Variants in AP3B1 observed in about 807,000 individuals in gnomAD.
AP3B1 encodes the protein adaptor related protein complex 3 subunit beta 1.
A neutral mutation model predicts 132.5 loss-of-function variants in AP3B1; 61 were observed. The observed-to-expected ratio is 0.46, with a 90% CI of 0.37 to 0.57. AP3B1 has a LOEUF of 0.57. AP3B1 is among the 20% of genes least tolerant of loss of function. AP3B1 has a pLI of 0.00. For synonymous variants in AP3B1, 388 were observed against 438.3 expected, an observed-to-expected ratio of 0.89 and a Z score of 1.43; for missense variants, 1,120 against 1,289.4, an observed-to-expected ratio of 0.87 and a Z score of 2.01.
chr5:78,262,068 C>G (rs1748118893), intron 2 of AP3B1, among the ~76,000 whole-genome samples: 1 of 152,158 alleles, frequency 6.6e-6, no homozygotes, highest in South Asian at 2.1e-4. Flanking sequence ...CACACCCAGC[C>G]ATTTGGTAGG....
intron 23 of AP3B1, 76 bp downstream of exon 23, chr5:78,038,966 TA>T (rs1277921158): frequency 1.3e-5 from 11 of 865,588 alleles, no homozygotes; most frequent in Non-Finnish European, 1.8e-5. Context: ...TACTAAAAAG[TA>T]TTCTACTTTA....
At chr5:78,058,478 C>T (rs561315067) in intron 22 of AP3B1, among the ~76,000 whole-genome samples, 7 of 151,270 alleles carry the variant, frequency 4.6e-5, no homozygotes, top group East Asian at 3.9e-4. Context: ...GCAGCCTGGA[C>T]GACAGAGTGA....
chr5:78,260,545 G>A (rs1278315476), intron 2 of AP3B1, among the ~76,000 whole-genome samples: 2 of 151,814 alleles, frequency 1.3e-5, no homozygotes, highest in Non-Finnish European at 2.9e-5. Flanking sequence ...AGTGAGCTGA[G>A]ATCACACCAC....
chr5:78,050,907 C>T (rs546246878), intron 22 of AP3B1, among the ~76,000 whole-genome samples: 41 of 152,104 alleles, frequency 2.7e-4, no homozygotes, highest in Middle Eastern at 3.4e-3. Context: ...AACAAGCCTC[C>T]CCCAAGAGTT....
At chr5:78,088,988 T>C (rs1199143683) in intron 22 of AP3B1, 1 of 159,554 alleles carries the variant, frequency 6.3e-6, no homozygotes, top group Non-Finnish European at 1.4e-5. Flanking sequence ...AACTTTTAAA[T>C]AAAAACAGTC....
chr5:78,197,751 T>G (rs1388135081), intron 7 of AP3B1, among the ~76,000 whole-genome samples: 2 of 152,198 alleles, frequency 1.3e-5, no homozygotes, highest in Admixed American at 1.3e-4. Flanking sequence ...TAAAACTGCC[T>G]ACAGCAAAAT....
intron 7 of AP3B1, among the ~76,000 whole-genome samples, chr5:78,205,431 A>G (rs1317662964): frequency 6.6e-6 from 1 of 151,794 alleles, no homozygotes; most frequent in Non-Finnish European, 1.5e-5. Flanking sequence ...ATATATATAT[A>G]CATATATATA....
At position 78,181,696 on chromosome 5, in the gene AP3B1, T is replaced by G. The variant is rs776493674; in HGVS notation, c.787-34A>C. The G allele has an allele frequency of 3.8e-6, 6 of 1,599,288 alleles. No homozygotes were observed. The Middle Eastern group carries it at 6.7e-4, about 178-fold the overall frequency. ...AAAGAAATCCAACCCAAGATTACTT[T>G]AGACCTTGAGCAATCTGCATATTAT... On this transcript the variant is annotated intron_variant, in intron 7 of 26. Transcript: ENST00000255194.
chr5:78,038,982 T>TA, intron 23 of AP3B1, 61 bp downstream of exon 23: 1 of 1,045,528 alleles, frequency 9.6e-7, no homozygotes, highest in Non-Finnish European at 1.4e-6. Flanking sequence ...ACTTTACTTT[T>TA]AAAATGAACA....
At chr5:78,234,176 T>C (rs1352215850) in intron 3 of AP3B1, among the ~76,000 whole-genome samples, 1 of 152,132 alleles carries the variant, frequency 6.6e-6, no homozygotes, top group Admixed American at 6.5e-5. Flanking sequence ...TTTCCATCTA[T>C]ATTCACGATT....
chr5:78,220,415 C>T (rs998330051), intron 6 of AP3B1, among the ~76,000 whole-genome samples: 1 of 151,136 alleles, frequency 6.6e-6, no homozygotes, highest in Non-Finnish European at 1.5e-5. Flanking sequence ...AAATATAAAC[C>T]CTAAATTCCA....
intron 7 of AP3B1, among the ~76,000 whole-genome samples, chr5:78,195,694 C>T (rs1720702307): frequency 6.6e-6 from 1 of 152,050 alleles, no homozygotes; most frequent in South Asian, 2.1e-4. Flanking sequence ...GTGATGCACA[C>T]CTGTTATCCC....
At chr5:78,249,123 G>C (rs1747513654) in intron 2 of AP3B1, among the ~76,000 whole-genome samples, 1 of 152,110 alleles carries the variant, frequency 6.6e-6, no homozygotes, top group African/African-American at 2.4e-5. Context: ...GGGAGGCTGA[G>C]GAGGGCGGAT....
intron 22 of AP3B1, among the ~76,000 whole-genome samples, chr5:78,046,974 A>T (rs980719204): frequency 6.6e-6 from 1 of 151,796 alleles, no homozygotes; most frequent in Non-Finnish European, 1.5e-5. Context: ...TATTCCTGTT[A>T]GTTTACTGAG....
intron 22 of AP3B1, among the ~76,000 whole-genome samples, chr5:78,044,767 A>C (rs906845747): frequency 1.3e-5 from 2 of 152,232 alleles, no homozygotes; most frequent in African/African-American, 4.8e-5. Context: ...CCTAGGATGC[A>C]TGGTCCAAAC....
At chr5:78,162,059 A>C (rs1299044742) in intron 13 of AP3B1, among the ~76,000 whole-genome samples, 3 of 152,134 alleles carry the variant, frequency 2.0e-5, no homozygotes, top group Non-Finnish European at 4.4e-5. Context: ...TTTACAAAGA[A>C]AATTATGCTT....
chr5:78,283,421 C>T (rs1749142080), intron 1 of AP3B1, among the ~76,000 whole-genome samples: 1 of 152,180 alleles, frequency 6.6e-6, no homozygotes, highest in African/African-American at 2.4e-5. Flanking sequence ...GTACAATCAA[C>T]TTTCATGGTT....
Position 78,156,326 on chromosome 5 carries a change from G to C in AP3B1, c.1405C>G (p.Leu469Val). The change falls in exon 14 of 27, where the codon CTG (leucine) becomes GTG (valine). Residue 469 changes from leucine (L) to valine (V), a missense_variant. Coordinates refer to ENST00000255194, the MANE Select transcript of AP3B1 (RefSeq NM_003664.5). Reference sequence around the variant, plus strand: ...CCATGTTGTGCAGGTTGCATTTGCAGTAATTTCTTTATAACAACCACACTT... The same window carrying C: ...CCATGTTGTGCAGGTTGCATTTGCACTAATTTCTTTATAACAACCACACTT... Reference protein sequence around the residue: ...AESVVVIKKLLQMQPAQHGEI... With the variant: ...AESVVVIKKLVQMQPAQHGEI... 6.2e-7 allele frequency: 1 copy of C among 1,613,658 alleles called. No homozygotes were observed. Among genetic ancestry groups the C allele is most frequent in the South Asian group, 1.1e-5 (1 of 91,078 alleles).
chr5:78,291,566 G>T (rs578053153), intron 1 of AP3B1, among the ~76,000 whole-genome samples: 19 of 151,740 alleles, frequency 1.3e-4, no homozygotes, highest in African/African-American at 4.6e-4. Context: ...TAGTATCCCA[G>T]CCAAGGATAC....
Sources: allele counts gnomAD v4.1 joint callset (sites outside exome capture counted in the v4.1 genomes callset), GRCh38; gene constraint gnomAD v4.1.1; transcripts MANE v1.5; gene names NCBI Gene and HGNC (gene_info 2026-07-23, HGNC 2026-07-21).